STXBP5L: variants seen among roughly 807,000 people sequenced by gnomAD.
STXBP5L encodes syntaxin-binding protein 5-like.
Under a neutral mutation model 144.5 loss-of-function variants are expected in STXBP5L, and 65 were observed. The observed-to-expected ratio is 0.45, with a 90% confidence interval of 0.37 to 0.55. The LOEUF (loss-of-function observed/expected upper bound fraction) is 0.55. STXBP5L is among the 20% of genes least tolerant of loss of function. STXBP5L has a pLI of 0.00. For missense variants in STXBP5L, 1,298 were observed against 1,405.5 expected (o/e 0.92, Z 1.22); for synonymous variants, 505 against 469.6 (o/e 1.08, Z -0.97).
At position 121,039,716 on chromosome 3, in the gene STXBP5L, T is replaced by TA. The variant is rs143006340; in HGVS notation, c.288-1976dup. 2.1e-4 allele frequency among the ~76,000 whole-genome samples: 32 copies of TA among 151,814 alleles called. No homozygotes were observed. The East Asian group carries it at 5.8e-3, about 27-fold the overall frequency. On this transcript the variant is annotated intron_variant, in intron 3 of 26. Transcript: ENST00000471454. Reference sequence around the variant, plus strand: ...AGAAAACTTAATTTTGGTCATTATTTAAAAAAAATTTTATCTCTTCTCTCC... The same window carrying TA: ...AGAAAACTTAATTTTGGTCATTATTTAAAAAAAAATTTTATCTCTTCTCTCC...
intron 5 of STXBP5L, among the ~76,000 whole-genome samples, chr3:121,080,506 T>C (rs1182007545): frequency 6.6e-6 from 1 of 152,200 alleles, no homozygotes; most frequent in South Asian, 2.1e-4. Flanking sequence ...TTTCTTGTAG[T>C]GCTGGTGTGG....
intron 23 of STXBP5L, among the ~76,000 whole-genome samples, chr3:121,407,877 C>G (rs1419603550): frequency 6.6e-6 from 1 of 151,892 alleles, no homozygotes; most frequent in Admixed American, 6.6e-5. Flanking sequence ...AATGATTTTT[C>G]AATCATTCAA....
intron 20 of STXBP5L, 115 bp from the exon 21 acceptor site, chr3:121,378,601 G>A: frequency 8.3e-6 from 10 of 1,207,562 alleles, no homozygotes; most frequent in Non-Finnish European, 1.1e-5. Flanking sequence ...ATATTCATGT[G>A]GTTTAGAAAA....
In STXBP5L at chr3:121,255,164, A is replaced by G. The variant is rs755996876; in HGVS notation, c.1659+52A>G. 3.6e-6 allele frequency: 5 copies of G among 1,378,638 alleles called. No individual in the cohort carries two copies. The Admixed American group carries it at 1.0e-4, about 28-fold the overall frequency. The allele number at this position is 1,378,638 out of a possible 1,614,324, so 85.4% of individuals were successfully genotyped here. ...CTTTTACAGTTATTAAAAGAAAGCTATTATCATAGATTTGACTACTACTTG... is the reference window on the plus strand; with the variant it reads ...CTTTTACAGTTATTAAAAGAAAGCTGTTATCATAGATTTGACTACTACTTG... On this transcript the variant is annotated intron_variant, in intron 16 of 26. Coordinates refer to ENST00000471454, the MANE Select transcript of STXBP5L (RefSeq NM_001308330.2).
intron 11 of STXBP5L, among the ~76,000 whole-genome samples, chr3:121,229,392 A>C (rs757029477): frequency 2.6e-5 from 4 of 152,106 alleles, no homozygotes; most frequent in Non-Finnish European, 5.9e-5. Context: ...CTTATTAAAC[A>C]CACCTTACTT....
intron 20 of STXBP5L, among the ~76,000 whole-genome samples, chr3:121,363,312 C>T (rs2108643374): frequency 6.6e-6 from 1 of 152,252 alleles, no homozygotes; most frequent in Admixed American, 6.5e-5. Flanking sequence ...CCTAGTTCAG[C>T]ACTAGGACTC....
At chr3:121,116,333 G>A (rs2044228448) in intron 6 of STXBP5L, among the ~76,000 whole-genome samples, 1 of 151,954 alleles carries the variant, frequency 6.6e-6, no homozygotes, top group East Asian at 1.9e-4. Flanking sequence ...TAATCTTAAT[G>A]TTTCAATATG....
At chr3:121,153,539 A>T (rs184909907) in intron 8 of STXBP5L, among the ~76,000 whole-genome samples, 1 of 152,104 alleles carries the variant, frequency 6.6e-6, no homozygotes, top group African/African-American at 2.4e-5. Flanking sequence ...TCCTTATTTT[A>T]TCATTGGAGG....
intron 20 of STXBP5L, among the ~76,000 whole-genome samples, chr3:121,329,598 T>C (rs1301492016): frequency 6.6e-6 from 1 of 152,212 alleles, no homozygotes; most frequent in Non-Finnish European, 1.5e-5. Flanking sequence ...GGGTGGCCCA[T>C]GCCTGTAATC....
chr3:120,989,774 A>G (rs1183059157), intron 3 of STXBP5L, among the ~76,000 whole-genome samples: 1 of 152,114 alleles, frequency 6.6e-6, no homozygotes, highest in Non-Finnish European at 1.5e-5. Flanking sequence ...TCATTACATA[A>G]TGTTTTCATT....
chr3:120,908,442 TGTG>T, intron 1 of STXBP5L, 108 bp downstream of exon 1: 1 of 156,462 alleles, frequency 6.4e-6, no homozygotes, highest in Non-Finnish European at 1.4e-5. Flanking sequence ...AGTGTGTGTG[TGTG>T]TTTGAGAGAG....
At chr3:121,024,428 C>G (rs1427501633) in intron 3 of STXBP5L, among the ~76,000 whole-genome samples, 2 of 152,094 alleles carry the variant, frequency 1.3e-5, no homozygotes, top group Non-Finnish European at 2.9e-5. Context: ...TACTGAATGC[C>G]TCTGGTTGAG....
chr3:121,010,446 T>C (rs932734906), intron 3 of STXBP5L, among the ~76,000 whole-genome samples: 1 of 151,690 alleles, frequency 6.6e-6, no homozygotes, highest in Non-Finnish European at 1.5e-5. Context: ...CTGTTTTTTT[T>C]CTCACTGATA....
At chr3:121,418,644 C>G in intron 26 of STXBP5L, 87 bp downstream of exon 26, 1 of 1,223,530 alleles carries the variant, frequency 8.2e-7, no homozygotes, top group South Asian at 1.5e-5. Flanking sequence ...AAACAGAGAT[C>G]CACATAAGTA....
intron 20 of STXBP5L, among the ~76,000 whole-genome samples, chr3:121,366,281 T>G (rs1381099118): frequency 6.6e-6 from 1 of 151,966 alleles, no homozygotes; most frequent in African/African-American, 2.4e-5. Flanking sequence ...TCTAGTTGGT[T>G]TATTGTATTA....
intron 5 of STXBP5L, among the ~76,000 whole-genome samples, chr3:121,057,999 A>T (rs1203954): frequency 4.6e-5 from 7 of 151,758 alleles, no homozygotes; most frequent in Non-Finnish European, 1.0e-4. Context: ...TATTATACTT[A>T]AAGTTTTGGG....
intron 3 of STXBP5L, among the ~76,000 whole-genome samples, chr3:121,039,093 C>T (rs7616820): frequency 0.099 from 15,089 of 151,860 alleles, 1,181 homozygotes; most frequent in Admixed American, 0.2. Context: ...ACACTGTTTG[C>T]ATTTAGTGTG....
chr3:121,190,051 C>CTT (rs556416997), intron 9 of STXBP5L, among the ~76,000 whole-genome samples: 2 of 145,900 alleles, frequency 1.4e-5, no homozygotes, highest in East Asian at 2.0e-4. Flanking sequence ...TTTTTTGTCC[C>CTT]TTTTTTTTTT....
chr3:120,972,482 G>T (rs1431380500), intron 3 of STXBP5L, among the ~76,000 whole-genome samples: 1 of 151,858 alleles, frequency 6.6e-6, no homozygotes, highest in Non-Finnish European at 1.5e-5. Context: ...GAGCATTTAG[G>T]GTTTTGTAGA....
Sources: gnomAD v4.1 joint callset for allele counts (sites outside exome capture counted in the v4.1 genomes callset) on GRCh38, gnomAD v4.1.1 for gene constraint, MANE v1.5 for transcripts, NCBI Gene and HGNC (gene_info 2026-07-23, HGNC 2026-07-21) for gene names.